Variants in CDK1 observed in about 807,000 individuals in gnomAD.
CDK1 encodes cyclin dependent kinase 1, also known as cyclin-dependent kinase 1.
Under a neutral mutation model 34.6 loss-of-function variants are expected in CDK1, and 5 were observed. That is an observed-to-expected ratio of 0.14 (90% CI 0.08 to 0.30). The LOEUF (loss-of-function observed/expected upper bound fraction) is 0.30, where lower values mean the gene tolerates loss of function less well. Ranked by LOEUF, CDK1 falls within the 10% of genes least tolerant of loss-of-function variation. The pLI is 1.00. For missense variants in CDK1, 157 were observed against 345.7 expected (o/e 0.45, Z 4.33); for synonymous variants, 108 against 114.7 (o/e 0.94, Z 0.37).
intron 5 of CDK1, 126 bp downstream of exon 5, chr10:60,788,356 GC>G (rs2132071628): frequency 3.4e-6 from 2 of 590,996 alleles, no homozygotes; most frequent in Admixed American, 7.9e-5. Context: ...TCAATTTATT[GC>G]CTCTCAGCTC....
At chr10:60,785,527 T>G (rs116766553) in intron 3 of CDK1, 137 bp from the exon 4 acceptor site, 317 of 574,546 alleles carry the variant, frequency 5.5e-4, no homozygotes, top group African/African-American at 5.4e-3. Context: ...GAGTTTTGAG[T>G]CTCTTCCATT....
At chr10:60,793,691 G>C (rs1019768955) in intron 7 of CDK1, among the ~76,000 whole-genome samples, 186 bp from the exon 8 acceptor site, 22 of 152,010 alleles carry the variant, frequency 1.4e-4, no homozygotes, top group Admixed American at 9.2e-4. Context: ...AGTTATTCTA[G>C]ACCTCAAGAG....
At chr10:60,783,347 A>G (rs2080288691) in intron 2 of CDK1, 1 of 152,202 alleles carries the variant, frequency 6.6e-6, no homozygotes, top group African/African-American at 2.4e-5. Flanking sequence ...AGTATTTAAG[A>G]AAACATAGAC....
intron 4 of CDK1, chr10:60,786,194 T>C (rs558737915): frequency 3.3e-6 from 3 of 900,294 alleles, no homozygotes; most frequent in East Asian, 2.4e-4. Context: ...TATAAAATTG[T>C]ATAGTTTTAA....
chr10:60,787,024 A>G, intron 4 of CDK1: 3 of 983,616 alleles, frequency 3.0e-6, no homozygotes, highest in Non-Finnish European at 3.6e-6. Flanking sequence ...ATTAAGATTT[A>G]TTTTGACTTA....
chr10:60,778,686 G>C (rs1785390546), intron 1 of CDK1, 116 bp downstream of exon 1: 1 of 152,988 alleles, frequency 6.5e-6, no homozygotes, highest in African/African-American at 2.4e-5. Context: ...ATCTGCGCGG[G>C]GCCCGGCTGG....
At chr10:60,786,820 A>G (rs2080320382) in intron 4 of CDK1, 4 of 925,130 alleles carry the variant, frequency 4.3e-6, no homozygotes, top group Non-Finnish European at 5.2e-6. Flanking sequence ...TTTAGCTATT[A>G]TAAACCGCCT....
At chr10:60,783,602 G>A (rs112911373) in intron 2 of CDK1, 114 of 152,196 alleles carry the variant, frequency 7.5e-4, no homozygotes, top group African/African-American at 2.6e-3. Flanking sequence ...ACAAAATTTT[G>A]TGTGTACTTA....
chr10:60,793,055 C>T (rs935414359), intron 7 of CDK1, among the ~76,000 whole-genome samples: 5 of 152,154 alleles, frequency 3.3e-5, no homozygotes, highest in East Asian at 1.9e-4. Context: ...ATCCCAGTTG[C>T]GAACCATTAT....
chr10:60,780,040 A>C (rs1396251228), intron 1 of CDK1, 101 bp from the exon 2 acceptor site: 4 of 688,440 alleles, frequency 5.8e-6, no homozygotes, highest in South Asian at 4.8e-5. Context: ...CTTATGCTGC[A>C]GTAGGCACTG....
Position 60,784,686 on chromosome 10 carries a change from A to G in CDK1, c.38-19A>G, listed in dbSNP as rs751879348. On this transcript the variant is annotated intron_variant, in intron 2 of 7. Coordinates refer to ENST00000395284, the MANE Select transcript of CDK1 (RefSeq NM_001786.5). ...GTTTGTGGGGTGTGTCACACAGCAT[A>G]TTATTTACTTTGTTTCAGGTACCTA... The G allele has an allele frequency of 4.4e-6, 7 of 1,595,948 alleles. No homozygotes were observed. The Admixed American group carries it at 1.0e-4, about 23-fold the overall frequency.
At chr10:60,786,612 T>A (rs1174842620) in intron 4 of CDK1, 1 of 166,464 alleles carries the variant, frequency 6.0e-6, no homozygotes, top group Admixed American at 6.5e-5. Flanking sequence ...TGAAGATGTT[T>A]ATTTACATTT....
At chr10:60,778,747 C>T (rs1250607248) in intron 1 of CDK1, 177 bp downstream of exon 1, 1 of 152,458 alleles carries the variant, frequency 6.6e-6, no homozygotes, top group Non-Finnish European at 1.5e-5. Context: ...CCGTGTGAGC[C>T]ACACTGGGCT....
intron 5 of CDK1, 86 bp from the exon 6 acceptor site, chr10:60,791,804 G>A: frequency 1.5e-6 from 1 of 664,404 alleles, no homozygotes. Flanking sequence ...ACCTTTAAAG[G>A]ACAGCCCTAA....
At chr10:60,786,802 A>C (rs1235657516) in intron 4 of CDK1, 1 of 807,466 alleles carries the variant, frequency 1.2e-6, no homozygotes, top group African/African-American at 1.9e-5. Context: ...ACAATTTAAC[A>C]CTTCATATTT....
chr10:60,786,423 A>C (rs1403960952), intron 4 of CDK1: 1 of 703,412 alleles, frequency 1.4e-6, no homozygotes, highest in Non-Finnish European at 1.7e-6. Context: ...ACGTAGATCT[A>C]CCTATGTCTA....
chr10:60,780,486 A>AT (rs2132061158), intron 2 of CDK1, among the ~76,000 whole-genome samples: 1 of 152,274 alleles, frequency 6.6e-6, no homozygotes, highest in South Asian at 2.1e-4. Flanking sequence ...GACACTATTG[A>AT]TAACTTGCAT....
chr10:60,786,154 T>G lies in CDK1; in HGVS notation c.318+367T>G, dbSNP rs149852034. The G allele has an allele frequency of 1.2e-3, 1,086 of 909,828 alleles. 15 individuals are homozygous for G. In the African/African-American group the frequency reaches 0.019, roughly 16 times the overall value. The allele number at this position is 909,828 out of a possible 1,614,324, so 56.4% of individuals were successfully genotyped here. A position where few individuals can be genotyped will look rare whatever the true frequency, so the allele number is the denominator to read the frequency against. ...TTTTGAACATGTTTTGGTCAATTTA[T>G]TGTAGACATTTATTATATTTCAGGT... On this transcript the variant is annotated intron_variant, in intron 4 of 7. Transcript: ENST00000395284.
rs1162806554 is a variant in CDK1 at position 60,793,956 on chromosome 10, A to G, written c.875A>G (p.Asn292Ser). The change falls in exon 8 of 8, where the codon AAT becomes AGT. Residue 292 changes from asparagine to serine, a missense_variant. By Grantham distance (46) the Asn-to-Ser change is conservative (BLOSUM62 1). This residue lies in a region of CDK1 where 102 missense variants were observed against 233.6 expected (regional missense o/e 0.44). Coordinates refer to ENST00000395284, the MANE Select transcript of CDK1 (RefSeq NM_001786.5). ...CATCCATATTTTAATGATTTGGACA[A>G]TCAGATTAAGAAGATGTAGCTTTCT... Reference protein sequence around the residue: ...LNHPYFNDLDNQIKKM With the variant: ...LNHPYFNDLDSQIKKM 3.3e-6 allele frequency: 5 copies of G among 1,534,870 alleles called. No homozygotes were observed. Among genetic ancestry groups the G allele is most frequent in the Non-Finnish European group, 4.4e-6 (5 of 1,144,098 alleles).
Sources: allele counts gnomAD v4.1 joint callset (sites outside exome capture counted in the v4.1 genomes callset), GRCh38; gene constraint gnomAD v4.1.1; regional missense constraint gnomAD v4.1.1; transcripts MANE v1.5; gene names NCBI Gene and HGNC (gene_info 2026-07-23, HGNC 2026-07-21).